CTNS: variants seen among roughly 807,000 people sequenced by gnomAD.
CTNS encodes the protein cystinosin, lysosomal cystine transporter.
Under a neutral mutation model 43.7 loss-of-function variants are expected in CTNS, and 27 were observed. That is an observed-to-expected ratio of 0.62 (90% CI 0.46 to 0.85). The LOEUF (loss-of-function observed/expected upper bound fraction) is 0.85, where lower values mean the gene tolerates loss of function less well. CTNS is among the 40% of genes least tolerant of loss of function. The pLI, the probability that CTNS is intolerant of heterozygous loss-of-function variation, is 0.00. For missense variants in CTNS, 457 were observed against 475.4 expected (o/e 0.96, Z 0.36); for synonymous variants, 187 against 190.6 (o/e 0.98, Z 0.16).
intron 11 of CTNS, 64 bp downstream of exon 11, chr17:3,660,039 C>A (rs529697455): frequency 4.6e-6 from 7 of 1,507,560 alleles, no homozygotes; most frequent in South Asian, 1.1e-5. Flanking sequence ...CCAGCCTTCC[C>A]GGGACCTTCC....
chr17:3,649,231 C>G (rs2075916253), intron 5 of CTNS, among the ~76,000 whole-genome samples: 1 of 152,084 alleles, frequency 6.6e-6, no homozygotes, highest in African/African-American at 2.4e-5. Context: ...AGCGGGTCAC[C>G]TGAGGTAGGA....
rs550827691 is a variant in CTNS at position 3,657,416 on chromosome 17, T to C, written c.682-589T>C. On this transcript the variant is annotated intron_variant, in intron 9 of 11. Coordinates refer to ENST00000046640, the MANE Select transcript of CTNS (RefSeq NM_004937.3). ...GGACCCCTGATATGACAGCTTTGCT[T>C]TCCCTTCTCTCAGGGAGTTCCCTTC... is the stretch of plus-strand genomic sequence containing the variant. 2.2e-4 allele frequency among the ~76,000 whole-genome samples: 33 copies of C among 152,320 alleles called. No homozygotes were observed. In the South Asian group the frequency reaches 6.0e-3, roughly 28 times the overall value.
chr17:3,641,216 C>T (rs2075681802), intron 3 of CTNS, among the ~76,000 whole-genome samples: 1 of 151,438 alleles, frequency 6.6e-6, no homozygotes, highest in African/African-American at 2.4e-5. Flanking sequence ...TCTTTGAGGC[C>T]CGTGCCCTTC....
intron 2 of CTNS, 172 bp from the exon 3 acceptor site, chr17:3,640,016 A>G (rs751209865): frequency 1.3e-5 from 8 of 607,684 alleles, no homozygotes; most frequent in Non-Finnish European, 1.8e-5. Flanking sequence ...TCAAAGAAAG[A>G]TAAGTCCTCT....
At chr17:3,648,999 TG>T in intron 5 of CTNS, 68 bp downstream of exon 5, 1 of 1,345,542 alleles carries the variant, frequency 7.4e-7, no homozygotes, top group East Asian at 2.3e-5. Context: ...AATTAAGAGC[TG>T]GTGGAAACAG....
At chr17:3,649,079 G>A in intron 5 of CTNS, 148 bp downstream of exon 5, 3 of 724,218 alleles carry the variant, frequency 4.1e-6, no homozygotes, top group Non-Finnish European at 7.5e-6. Flanking sequence ...TGTCTTTTGG[G>A]GATGAGTATC....
At chr17:3,657,897 T>C (rs1420604032) in intron 9 of CTNS, 108 bp from the exon 10 acceptor site, 2 of 1,295,590 alleles carry the variant, frequency 1.5e-6, no homozygotes, top group East Asian at 4.6e-5. Flanking sequence ...AAGGCCAGGG[T>C]CCAGCCTCCG....
At chr17:3,647,152 G>A (rs2075862308) in intron 3 of CTNS, among the ~76,000 whole-genome samples, 1 of 152,210 alleles carries the variant, frequency 6.6e-6, no homozygotes, top group South Asian at 2.1e-4. Flanking sequence ...GGGCTCCATG[G>A]TTCTCTAACA....
intron 3 of CTNS, among the ~76,000 whole-genome samples, chr17:3,644,582 A>T (rs1200338506): frequency 6.6e-6 from 1 of 152,196 alleles, no homozygotes; most frequent in African/African-American, 2.4e-5. Context: ...CTCTTGCCTC[A>T]GCCTCCCGAG....
At chr17:3,640,840 G>A (rs1010810976) in intron 3 of CTNS, among the ~76,000 whole-genome samples, 1 of 152,132 alleles carries the variant, frequency 6.6e-6, no homozygotes. Flanking sequence ...GGAAGTCAAG[G>A]CTACAGTGAG....
Position 3,656,679 on chromosome 17 carries a change from C to T in CTNS, c.565C>T (p.Gln189Ter), listed in dbSNP as rs1597654770. 1 of 1,613,138 alleles carries T rather than the reference C, an allele frequency of 6.2e-7. No homozygotes were observed. Among genetic ancestry groups the T allele is most frequent in the Non-Finnish European group, 8.5e-7 (1 of 1,179,902 alleles). ...GCTTCTCCCACCCACCAAACAGGAG[C>T]AGTTTCTCCTCAAATACCCCAACGG... ...GLLWVPYIKE[Q>*]FLLKYPNGVN... Residue 189 changes from glutamine (Q) to a stop codon, truncating the protein, a stop_gained, in exon 9 of 12, where the codon CAG (glutamine) becomes TAG (stop). Transcript: ENST00000046640. LOFTEE classifies it high-confidence loss of function.
At chr17:3,656,960 GCCC>G (rs2076163923) in intron 9 of CTNS, 165 bp downstream of exon 9, 1 of 1,124,286 alleles carries the variant, frequency 8.9e-7, no homozygotes. Flanking sequence ...GGCCCTCAGA[GCCC>G]CCCAAGTCTG....
In CTNS at chr17:3,661,424, G is replaced by GGC. The variant is rs1555565359; in HGVS notation, c.*1056_*1057insCG. 6.5e-6 allele frequency: 1 copy of GGC among 153,420 alleles called. No individual in the cohort carries two copies. Among genetic ancestry groups the GGC allele is most frequent in the African/African-American group, 2.4e-5 (1 of 41,398 alleles). The allele number at this position is 153,420 out of a possible 1,614,324, so 9.5% of individuals were successfully genotyped here. ...TGTCCTTCCTATGGCAGGAGGGGTGGGGGTCCCAGGACGTGCCTCATACAT... is the reference window on the plus strand; with the variant it reads ...TGTCCTTCCTATGGCAGGAGGGGTGGGCGGGTCCCAGGACGTGCCTCATACAT... On this transcript the variant is annotated 3_prime_UTR_variant, in exon 12 of 12. Coordinates refer to ENST00000046640, the MANE Select transcript of CTNS (RefSeq NM_004937.3).
chr17:3,655,418 C>T (rs1245410427), intron 7 of CTNS, 66 bp downstream of exon 7: 3 of 1,605,346 alleles, frequency 1.9e-6, no homozygotes, highest in Non-Finnish European at 2.6e-6. Context: ...TCCAGCAAGG[C>T]TGCCGATAGC....
chr17:3,657,919 A>G, intron 9 of CTNS, 86 bp from the exon 10 acceptor site: 1 of 1,531,244 alleles, frequency 6.5e-7, no homozygotes, highest in South Asian at 1.1e-5. Context: ...GCCCCTCTCT[A>G]AGCCCGCCCT....
At chr17:3,636,541 T>G (rs111977802), upstream of CTNS, 1 of 321,116 alleles carries the variant, frequency 3.1e-6, no homozygotes, top group Non-Finnish European at 5.8e-6. Flanking sequence ...GCTCCAAGAG[T>G]CTCTGTGTCC....
At chr17:3,643,531 C>T (rs1034075734) in intron 3 of CTNS, among the ~76,000 whole-genome samples, 2 of 152,040 alleles carry the variant, frequency 1.3e-5, no homozygotes, top group African/African-American at 2.4e-5. Flanking sequence ...GAATTTGACA[C>T]CAGCGTGAGC....
chr17:3,641,056 A>G (rs1261363632), intron 3 of CTNS, among the ~76,000 whole-genome samples: 1 of 152,098 alleles, frequency 6.6e-6, no homozygotes, highest in African/African-American at 2.4e-5. Context: ...GAGTCTGCCC[A>G]GCATCCCCTT....
chr17:3,655,691 G>A (rs2076113802), intron 7 of CTNS: 2 of 374,286 alleles, frequency 5.3e-6, no homozygotes, highest in Admixed American at 3.7e-5. Context: ...GCGGCGTCAA[G>A]TCCTGTAGTC....
Sources: allele counts gnomAD v4.1 joint callset (sites outside exome capture counted in the v4.1 genomes callset), GRCh38; gene constraint gnomAD v4.1.1; transcripts MANE v1.5; gene names NCBI Gene and HGNC (gene_info 2026-07-23, HGNC 2026-07-21).